Variants in LPXN observed in about 807,000 individuals in gnomAD.
LPXN encodes leupaxin.
LPXN carries 28 observed loss-of-function variants against 45.6 expected under a neutral mutation model. The ratio of observed to expected loss-of-function variants is 0.61; its 90% CI spans 0.45 to 0.84. The LOEUF (loss-of-function observed/expected upper bound fraction) is 0.84. Ranked by LOEUF, LPXN falls within the 40% of genes least tolerant of loss-of-function variation. The probability of loss-of-function intolerance (pLI) is 0.00; values close to 1 mark genes in which losing one functional copy is unlikely to be tolerated. For synonymous variants in LPXN, 166 were observed against 169.9 expected, an observed-to-expected ratio of 0.98 and a Z score of 0.18; for missense variants, 459 against 475.0, an observed-to-expected ratio of 0.97 and a Z score of 0.31.
chr11:58,575,882 T>C (rs1854873683), upstream of LPXN: 4 of 1,598,036 alleles, frequency 2.5e-6, no homozygotes, highest in Admixed American at 7.0e-5. Flanking sequence ...AGGCAGCCTC[T>C]ATAAACCTTT....
upstream of LPXN, among the ~76,000 whole-genome samples, chr11:58,578,387 A>C (rs1316522971): frequency 3.3e-5 from 5 of 152,172 alleles, no homozygotes; most frequent in Admixed American, 3.3e-4. Context: ...AGGCGAAATA[A>C]GACTTCATCT....
chr11:58,533,962 A>G (rs1853473276), intron 7 of LPXN, among the ~76,000 whole-genome samples: 1 of 152,246 alleles, frequency 6.6e-6, no homozygotes, highest in Non-Finnish European at 1.5e-5. Context: ...TTAATGCAAC[A>G]GGAAGAACTA....
At chr11:58,575,981 G>A, upstream of LPXN, 2 of 1,374,468 alleles carry the variant, frequency 1.5e-6, no homozygotes, top group Non-Finnish European at 1.9e-6. Context: ...TTAAAAATGT[G>A]ACTGACATAG....
chr11:58,578,745 G>A (rs147085583), upstream of LPXN, among the ~76,000 whole-genome samples: 2,179 of 151,874 alleles, frequency 0.014, 24 homozygotes, highest in Non-Finnish European at 0.02. Flanking sequence ...CCAGTCTAGG[G>A]TTTGCGTGAG....
intron 7 of LPXN, among the ~76,000 whole-genome samples, chr11:58,536,354 A>C (rs556765526): frequency 6.6e-4 from 101 of 152,266 alleles, no homozygotes; most frequent in African/African-American, 2.0e-3. Flanking sequence ...AAATAACACC[A>C]CACATCTACA....
chr11:58,578,802 C>T (rs997703791), upstream of LPXN, among the ~76,000 whole-genome samples: 6 of 151,918 alleles, frequency 3.9e-5, no homozygotes, highest in Non-Finnish European at 4.4e-5. Flanking sequence ...CCTCGCGAGA[C>T]CTGCCCCTCG....
intron 7 of LPXN, among the ~76,000 whole-genome samples, chr11:58,538,660 G>C (rs1224917343): frequency 2.0e-5 from 3 of 152,070 alleles, no homozygotes; most frequent in African/African-American, 7.2e-5. Context: ...ACATGAAAAG[G>C]GTTACTGTGA....
In LPXN at chr11:58,554,857, G is replaced by A. The variant is rs1171733645; in HGVS notation, c.302C>T (p.Thr101Ile). 2 of 1,613,700 alleles carry A rather than the reference G, an allele frequency of 1.2e-6. No homozygotes were observed. The highest frequency in any genetic ancestry group is 1.7e-6 in the Non-Finnish European group (2 of 1,179,934). Residue 101 changes from threonine (T) to isoleucine (I), a missense_variant, in exon 4 of 9, where the codon ACT becomes ATT. Thr to Ile is a moderately conservative substitution (Grantham distance 89, BLOSUM62 -1). Transcript: ENST00000395074. ...AQLDELMAHLTEMQAKVAVRA... is the reference protein window; with the variant it reads ...AQLDELMAHLIEMQAKVAVRA... ...TGCACTCACCTTGGCCTGCATCTCA[G>A]TCAGGTGAGCCATGAGCTCATCCAA...
In LPXN at chr11:58,565,073, G is replaced by A. The variant is rs73470716; in HGVS notation, c.172-872C>T. Among the ~76,000 whole-genome samples, 979 of 152,264 alleles carry A rather than the reference G, an allele frequency of 6.4e-3. 13 individuals are homozygous for A. Among genetic ancestry groups the A allele is most frequent in the African/African-American group, 0.023 (947 of 41,538 alleles). On this transcript the variant is annotated intron_variant, in intron 2 of 8. Coordinates refer to ENST00000395074, the MANE Select transcript of LPXN (RefSeq NM_004811.3). ...AGATGAGGTGGCCACATCACCAAAC[G>A]TTCAGAATGGGGTATTTTTTAGAAA...
intron 3 of LPXN, among the ~76,000 whole-genome samples, chr11:58,560,460 A>C (rs1854340538): frequency 6.6e-6 from 1 of 152,226 alleles, no homozygotes; most frequent in African/African-American, 2.4e-5. Flanking sequence ...GGAGGCATTT[A>C]CTCTGGACAT....
At chr11:58,567,172 G>A (rs1590582337) in intron 2 of LPXN, among the ~76,000 whole-genome samples, 1 of 152,074 alleles carries the variant, frequency 6.6e-6, no homozygotes, top group African/African-American at 2.4e-5. Context: ...TGTTAACTTG[G>A]TAAGAACATT....
At chr11:58,576,977 G>C (rs1452687452), upstream of LPXN, among the ~76,000 whole-genome samples, 1 of 152,070 alleles carries the variant, frequency 6.6e-6, no homozygotes, top group Non-Finnish European at 1.5e-5. Flanking sequence ...TTTTTATGTA[G>C]AGGGTGGTCT....
chr11:58,544,125 C>A (rs984690498), intron 7 of LPXN, among the ~76,000 whole-genome samples: 1 of 152,170 alleles, frequency 6.6e-6, no homozygotes, highest in African/African-American at 2.4e-5. Flanking sequence ...GAAGAGCTCA[C>A]TTTACTTTTT....
At chr11:58,572,362 C>T (rs1854732427) in intron 1 of LPXN, among the ~76,000 whole-genome samples, 1 of 151,560 alleles carries the variant, frequency 6.6e-6, no homozygotes, top group Non-Finnish European at 1.5e-5. Flanking sequence ...CTTTTATGTA[C>T]CATTTTAGAG....
chr11:58,572,569 CA>C (rs1854739711), intron 1 of LPXN, among the ~76,000 whole-genome samples: 3 of 151,794 alleles, frequency 2.0e-5, no homozygotes, highest in Admixed American at 1.3e-4. Context: ...TAAATAATAT[CA>C]AGTAAGTACT....
chr11:58,564,188 T>A lies in LPXN; in HGVS notation c.185A>T (p.Tyr62Phe), dbSNP rs145614062. ...ATTGAGCTCCTGGATATTGGTAGTA[T>A]ACACGAGCTGCGCCTAAGATATATA... ...NTSPLPAQLV[Y>F]TTNIQELNVY... Residue 62 changes from tyrosine to phenylalanine, a missense_variant, in exon 3 of 9, where the codon TAT becomes TTT. Tyr to Phe is a conservative substitution (Grantham distance 22). Transcript: ENST00000395074. 3.7e-6 allele frequency: 6 copies of A among 1,605,242 alleles called. No homozygotes were observed. Among genetic ancestry groups the A allele is most frequent in the Admixed American group, 1.7e-5 (1 of 58,544 alleles).
chr11:58,542,298 T>C (rs1412057968), intron 7 of LPXN, among the ~76,000 whole-genome samples: 1 of 152,038 alleles, frequency 6.6e-6, no homozygotes, highest in Non-Finnish European at 1.5e-5. Flanking sequence ...AGTAGTTGAA[T>C]TTCTAATTTT....
At chr11:58,535,003 G>A (rs1853505669) in intron 7 of LPXN, among the ~76,000 whole-genome samples, 1 of 152,242 alleles carries the variant, frequency 6.6e-6, no homozygotes, top group South Asian at 2.1e-4. Context: ...CCAACAACAA[G>A]TTCTGAAATT....
In LPXN at chr11:58,550,028, T is replaced by C; in HGVS notation, c.605A>G (p.Asp202Gly). The C allele has an allele frequency of 3.7e-6, 6 of 1,614,144 alleles. No homozygotes were observed. The highest frequency in any genetic ancestry group is 5.1e-6 in the Non-Finnish European group (6 of 1,180,014). Residue 202 changes from aspartate (D) to glycine (G), a missense_variant, in exon 6 of 9, where the codon GAC becomes GGC. Coordinates refer to ENST00000395074, the MANE Select transcript of LPXN (RefSeq NM_004811.3). Reference protein sequence around the residue: ...ERSGLAYCPNDYHQLFSPRCA... With the variant: ...ERSGLAYCPNGYHQLFSPRCA... The stretch of plus-strand genomic sequence containing the variant: ...GCGTGGAGAAAAAAGTTGGTGGTAG[T>C]CGTTGGGGCAGTAGGCCAAGCCACT...
Sources: allele counts gnomAD v4.1 joint callset (sites outside exome capture counted in the v4.1 genomes callset), GRCh38; gene constraint gnomAD v4.1.1; transcripts MANE v1.5; gene names NCBI Gene and HGNC (gene_info 2026-07-23, HGNC 2026-07-21).